The following CYP2C18 variants were observed in gnomAD, a reference collection of about 807,000 sequenced individuals.
The protein encoded by CYP2C18 is cytochrome P450 2C18.
Under a neutral mutation model 41.3 loss-of-function variants are expected in CYP2C18, and 38 were observed. The ratio of observed to expected loss-of-function variants is 0.92; its 90% CI spans 0.71 to 1.21. The LOEUF (loss-of-function observed/expected upper bound fraction) is 1.21. Ranked by LOEUF, CYP2C18 falls within the 50% of genes most tolerant of loss-of-function variation. The pLI is 0.00. For synonymous variants in CYP2C18, 236 were observed against 210.0 expected (o/e 1.12, Z -1.07); for missense variants, 635 against 591.4 (o/e 1.07, Z -0.77).
intron 5 of CYP2C18, among the ~76,000 whole-genome samples, chr10:94,709,624 T>C (rs1298328986): frequency 6.6e-6 from 1 of 152,186 alleles, no homozygotes; most frequent in Non-Finnish European, 1.5e-5. Context: ...TTTATTTATT[T>C]ATTTGCATGG....
At chr10:94,684,058 T>G in intron 1 of CYP2C18, 71 bp downstream of exon 1, 1 of 1,123,884 alleles carries the variant, frequency 8.9e-7, no homozygotes, top group Non-Finnish European at 1.2e-6. Flanking sequence ...AAGTTTTATT[T>G]CATTTTAAAG....
At chr10:94,698,400 A>T (rs1847164767) in intron 4 of CYP2C18, among the ~76,000 whole-genome samples, 2 of 152,246 alleles carry the variant, frequency 1.3e-5, no homozygotes, top group Admixed American at 1.3e-4. Context: ...TAATGAAATG[A>T]AGGCAGAAAT....
rs193274749 is a variant in CYP2C18 at position 94,706,668 on chromosome 10, T to C, written c.643-116T>C. On this transcript the variant is annotated intron_variant, in intron 4 of 8. Transcript: ENST00000285979. Reference sequence around the variant, plus strand: ...CTTTGTACGTATAATCAAATGCTCCTCTTACAGAGGGAGATAATTTTTAAA... The same window carrying C: ...CTTTGTACGTATAATCAAATGCTCCCCTTACAGAGGGAGATAATTTTTAAA... The C allele has an allele frequency of 4.3e-3, 2,531 of 595,042 alleles. 62 individuals are homozygous for C. Among genetic ancestry groups the C allele is most frequent in the East Asian group, 6.3e-3 (223 of 35,172 alleles). 36.9% of individuals were successfully genotyped at this position (595,042 alleles called of 1,614,324 possible).
intron 5 of CYP2C18, among the ~76,000 whole-genome samples, chr10:94,712,865 T>C (rs1446821635): frequency 6.6e-6 from 1 of 152,198 alleles, no homozygotes; most frequent in East Asian, 1.9e-4. Flanking sequence ...TTTCTCTCTT[T>C]GATAATAGCC....
intron 5 of CYP2C18, among the ~76,000 whole-genome samples, chr10:94,719,084 G>C: frequency 6.6e-6 from 1 of 152,050 alleles, no homozygotes; most frequent in South Asian, 2.1e-4. Context: ...TATTTATTTG[G>C]TGTATCCTTG....
At chr10:94,698,196 C>G (rs1288929981) in intron 4 of CYP2C18, among the ~76,000 whole-genome samples, 6 of 152,132 alleles carry the variant, frequency 3.9e-5, no homozygotes, top group African/African-American at 2.4e-5. Context: ...CAGCACCACA[C>G]CACACTTATT....
chr10:94,724,908 C>T (rs1164842516), intron 7 of CYP2C18, among the ~76,000 whole-genome samples: 1 of 151,860 alleles, frequency 6.6e-6, no homozygotes, highest in African/African-American at 2.4e-5. Context: ...GATGTCCTGA[C>T]AGGTTGAATC....
intron 1 of CYP2C18, among the ~76,000 whole-genome samples, chr10:94,687,271 T>C (rs981380156): frequency 6.6e-6 from 1 of 152,158 alleles, no homozygotes; most frequent in African/African-American, 2.4e-5. Context: ...AAGGTGTAGA[T>C]TTTTTAGTAT....
At chr10:94,720,586 G>A in intron 6 of CYP2C18, 49 bp downstream of exon 6, 1 of 1,542,222 alleles carries the variant, frequency 6.5e-7, no homozygotes. Flanking sequence ...AAAGATGTTG[G>A]GAAGACACTG....
intron 5 of CYP2C18, among the ~76,000 whole-genome samples, chr10:94,708,833 T>A (rs1412247823): frequency 1.3e-5 from 2 of 152,208 alleles, no homozygotes; most frequent in Non-Finnish European, 2.9e-5. Flanking sequence ...ACACAGTATG[T>A]GGTCTTTGTT....
intron 4 of CYP2C18, 39 bp downstream of exon 4, chr10:94,695,116 G>A: frequency 6.5e-7 from 1 of 1,549,408 alleles, no homozygotes; most frequent in Non-Finnish European, 8.7e-7. Flanking sequence ...TATTATTTTT[G>A]TTATTTTATC....
At chr10:94,719,410 ATT>A (rs200020774) in intron 5 of CYP2C18, among the ~76,000 whole-genome samples, 1 of 146,118 alleles carries the variant, frequency 6.8e-6, no homozygotes. Flanking sequence ...CATCTTGATT[ATT>A]TTTTTTTTTG....
rs1291115408 is a variant in CYP2C18 at position 94,720,520 on chromosome 10, A to G, written c.944A>G (p.Lys315Arg). ...AGATATGGACTCCTGCTCCTGCTGAAGTACCCAGAGGTCACAGGTATGATG... is the reference window on the plus strand; with the variant it reads ...AGATATGGACTCCTGCTCCTGCTGAGGTACCCAGAGGTCACAGGTATGATG... ...TLRYGLLLLL[K>R]YPEVTAKVQE... is the part of the protein sequence containing the mutation. The change falls in exon 6 of 9, where the codon AAG becomes AGG. Residue 315 changes from lysine (K) to arginine (R), a missense_variant. Coordinates refer to ENST00000285979, the MANE Select transcript of CYP2C18 (RefSeq NM_000772.3). The G allele has an allele frequency of 1.2e-6, 2 of 1,613,274 alleles. No homozygotes were observed. The highest frequency in any genetic ancestry group is 3.3e-5 in the Admixed American group (2 of 59,960).
intron 1 of CYP2C18, among the ~76,000 whole-genome samples, chr10:94,687,163 C>G (rs1846902978): frequency 6.6e-6 from 1 of 152,166 alleles, no homozygotes; most frequent in Non-Finnish European, 1.5e-5. Flanking sequence ...TGCCACACAT[C>G]CTGATACTAT....
chr10:94,696,949 G>T (rs1198358168), intron 4 of CYP2C18, among the ~76,000 whole-genome samples: 1 of 152,124 alleles, frequency 6.6e-6, no homozygotes, highest in Non-Finnish European at 1.5e-5. Flanking sequence ...AAGAAGAAAT[G>T]AACAAAGCCT....
In CYP2C18 at chr10:94,688,150, A is replaced by T. The variant is rs1368952876; in HGVS notation, c.357A>T (p.Arg119Ser). 1 of 1,613,564 alleles carries T rather than the reference A, an allele frequency of 6.2e-7. No homozygotes were observed. Among genetic ancestry groups the T allele is most frequent in the East Asian group, 2.2e-5 (1 of 44,830 alleles). The change falls in exon 3 of 9, where the codon AGA becomes AGT. Residue 119 changes from arginine (R) to serine (S), a missense_variant. Physicochemically the swap from Arg to Ser is moderately radical, Grantham distance 110. Transcript: ENST00000285979. Reference sequence around the variant, plus strand: ...GAATCCTTTTCAGCAATGGAAAGAGATGGAAGGAGATCCGGCGTTTCTGCC... The same window carrying T: ...GAATCCTTTTCAGCAATGGAAAGAGTTGGAAGGAGATCCGGCGTTTCTGCC... ...GLGILFSNGKRWKEIRRFCLM... is the reference protein window; with the variant it reads ...GLGILFSNGKSWKEIRRFCLM...
intron 1 of CYP2C18, among the ~76,000 whole-genome samples, chr10:94,685,046 TAA>T (rs1488095670): frequency 6.6e-6 from 1 of 151,848 alleles, no homozygotes; most frequent in Non-Finnish European, 1.5e-5. Flanking sequence ...ATTAATTAAT[TAA>T]TTAATAGAGA....
chr10:94,699,918 A>C (rs1463966703), intron 4 of CYP2C18, among the ~76,000 whole-genome samples: 1 of 152,206 alleles, frequency 6.6e-6, no homozygotes, highest in Non-Finnish European at 1.5e-5. Flanking sequence ...TCCAACTTCC[A>C]AGGGATGTGA....
chr10:94,726,888 G>C (rs1345199794), intron 7 of CYP2C18, among the ~76,000 whole-genome samples: 1 of 152,008 alleles, frequency 6.6e-6, no homozygotes, highest in Non-Finnish European at 1.5e-5. Context: ...ATTTAACTTT[G>C]AGAGGAAAAA....
Sources: gnomAD v4.1 joint callset for allele counts (sites outside exome capture counted in the v4.1 genomes callset) on GRCh38, gnomAD v4.1.1 for gene constraint, MANE v1.5 for transcripts, NCBI Gene and HGNC (gene_info 2026-07-23, HGNC 2026-07-21) for gene names.